The following PPARGC1A variants were observed in gnomAD, a reference collection of about 807,000 sequenced individuals.
PPARGC1A encodes the protein PPARG coactivator 1 alpha, also known as peroxisome proliferator-activated receptor gamma coactivator 1-alpha.
In PPARGC1A, 25 loss-of-function variants were observed where a neutral mutation model predicts 88.7. That is an observed-to-expected ratio of 0.28 (90% CI 0.21 to 0.39). The LOEUF (loss-of-function observed/expected upper bound fraction) is 0.39, where lower values mean the gene tolerates loss of function less well. Ranked by LOEUF, PPARGC1A falls within the 10% of genes least tolerant of loss-of-function variation. The pLI is 1.00. For synonymous variants in PPARGC1A, 363 were observed against 355.6 expected, an observed-to-expected ratio of 1.02 and a Z score of -0.24; for missense variants, 880 against 968.7, an observed-to-expected ratio of 0.91 and a Z score of 1.22.
chr4:24,412,437 T>C, the PPARGC1A span, among the ~76,000 whole-genome samples: 1 of 152,192 alleles, frequency 6.6e-6, no homozygotes, highest in Non-Finnish European at 1.5e-5. Context: ...ATGTGAAAAT[T>C]ACATGGAATT....
the PPARGC1A span, among the ~76,000 whole-genome samples, chr4:23,961,728 C>T: frequency 1.3e-5 from 2 of 151,912 alleles, no homozygotes; most frequent in East Asian, 3.9e-4. Context: ...TGGCCCTCTT[C>T]CCTGTGGTAA....
chr4:24,042,513 A>G, the PPARGC1A span, among the ~76,000 whole-genome samples: 1 of 152,346 alleles, frequency 6.6e-6, no homozygotes, highest in East Asian at 1.9e-4. Flanking sequence ...TGATTCCTGA[A>G]AACACATGCT....
chr4:24,035,265 T>C, the PPARGC1A span, among the ~76,000 whole-genome samples: 1 of 152,036 alleles, frequency 6.6e-6, no homozygotes, highest in African/African-American at 2.4e-5. Flanking sequence ...TTGGACCAGG[T>C]GTGGTGGCAC....
At chr4:24,022,539 C>T in the PPARGC1A span, among the ~76,000 whole-genome samples, 2 of 152,190 alleles carry the variant, frequency 1.3e-5, no homozygotes, top group Non-Finnish European at 2.9e-5. Context: ...AAGCATGTGG[C>T]ACATGAGAGG....
chr4:24,110,053 C>T, the PPARGC1A span, among the ~76,000 whole-genome samples: 1 of 152,164 alleles, frequency 6.6e-6, no homozygotes, highest in African/African-American at 2.4e-5. Flanking sequence ...CATCTTTTTA[C>T]AGGTGAAGAC....
chr4:24,097,824 A>G, the PPARGC1A span, among the ~76,000 whole-genome samples: 1 of 152,054 alleles, frequency 6.6e-6, no homozygotes, highest in African/African-American at 2.4e-5. Flanking sequence ...AAAATACCTA[A>G]CCTGAACTGC....
chr4:24,057,263 C>G, the PPARGC1A span, among the ~76,000 whole-genome samples: 2 of 152,084 alleles, frequency 1.3e-5, no homozygotes, highest in East Asian at 1.9e-4. Flanking sequence ...TTCATAGAGA[C>G]AGAAAGTAGA....
At chr4:24,155,598 CAAA>C in the PPARGC1A span, among the ~76,000 whole-genome samples, 40 of 139,478 alleles carry the variant, frequency 2.9e-4, no homozygotes, top group African/African-American at 9.9e-4. Flanking sequence ...AAAACCCTGT[CAAA>C]AAAAAAAAAA....
At chr4:24,275,927 C>T in the PPARGC1A span, among the ~76,000 whole-genome samples, 2 of 152,172 alleles carry the variant, frequency 1.3e-5, no homozygotes, top group Non-Finnish European at 2.9e-5. Context: ...CTGATTTCTG[C>T]ACCTAAGATA....
At chr4:23,811,815 T>G (rs1305686917) in intron 10 of PPARGC1A, among the ~76,000 whole-genome samples, 1 of 150,066 alleles carries the variant, frequency 6.7e-6, no homozygotes, top group Non-Finnish European at 1.5e-5. Flanking sequence ...AAAATGTCAT[T>G]GAAAAGTAGT....
chr4:24,240,771 C>T, the PPARGC1A span, among the ~76,000 whole-genome samples: 2 of 152,098 alleles, frequency 1.3e-5, no homozygotes, highest in African/African-American at 4.8e-5. Context: ...ACCCTTGGCC[C>T]TAAGGCTGTT....
At chr4:24,471,465 G>C in the PPARGC1A span, among the ~76,000 whole-genome samples, 1 of 152,092 alleles carries the variant, frequency 6.6e-6, no homozygotes, top group Non-Finnish European at 1.5e-5. This position sits in a 1 kb window ranked among gnomAD's most constrained non-coding sequence, Gnocchi z 5.4. Flanking sequence ...CAAGCGGTGG[G>C]GGCAGCAGAC....
Position 23,856,582 on chromosome 4 carries a change from A to G in PPARGC1A, c.235-24831T>C, listed in dbSNP as rs150759940. Among the ~76,000 whole-genome samples the G allele has an allele frequency of 2.8e-3, 424 of 152,326 alleles. 6 individuals carry two copies. Among genetic ancestry groups the G allele is most frequent in the Middle Eastern group, 0.024 (7 of 294 alleles). ...ATGCACTAATGATAGCCACTCAGCA[A>G]GTAGCTTAGTCATTTCCCTTTAGCC... On this transcript the variant is annotated intron_variant, in intron 2 of 12. Transcript: ENST00000264867.
the PPARGC1A span, among the ~76,000 whole-genome samples, chr4:24,223,370 C>T: frequency 6.6e-6 from 1 of 151,426 alleles, no homozygotes; most frequent in Non-Finnish European, 1.5e-5. Flanking sequence ...CTGCCTCAGT[C>T]TCCCGAGTAG....
chr4:24,295,982 C>T, the PPARGC1A span, among the ~76,000 whole-genome samples: 7 of 105,932 alleles, frequency 6.6e-5, no homozygotes, highest in Non-Finnish European at 1.4e-4. Flanking sequence ...GAAAACTGCC[C>T]AACTACTATA....
At chr4:23,959,404 T>A in the PPARGC1A span, among the ~76,000 whole-genome samples, 1 of 152,162 alleles carries the variant, frequency 6.6e-6, no homozygotes, top group Non-Finnish European at 1.5e-5. Context: ...GGCGTTAGAA[T>A]GTGTATGACA....
the PPARGC1A span, among the ~76,000 whole-genome samples, chr4:24,006,752 C>T: frequency 4.6e-5 from 7 of 152,112 alleles, no homozygotes; most frequent in Admixed American, 2.0e-4. Context: ...TCAAGGATCT[C>T]GTGTGTAGCT....
At chr4:23,996,847 C>T in the PPARGC1A span, among the ~76,000 whole-genome samples, 1 of 152,158 alleles carries the variant, frequency 6.6e-6, no homozygotes, top group Non-Finnish European at 1.5e-5. Flanking sequence ...AAACCGGTGG[C>T]CAAGCGGATT....
At chr4:23,884,094 C>T (rs1216680266) in intron 2 of PPARGC1A, 1 of 152,092 alleles carries the variant, frequency 6.6e-6, no homozygotes, top group African/African-American at 2.4e-5. Flanking sequence ...CTCAAAGTAA[C>T]ACTTTAATAG....
Sources: allele counts gnomAD v4.1 joint callset (sites outside exome capture counted in the v4.1 genomes callset), GRCh38; gene constraint gnomAD v4.1.1; non-coding constraint Gnocchi (gnomAD v3.1); transcripts MANE v1.5; gene names NCBI Gene and HGNC (gene_info 2026-07-23, HGNC 2026-07-21).